ARHGEF9: variants seen among roughly 807,000 people sequenced by gnomAD.
ARHGEF9 encodes rho guanine nucleotide exchange factor 9.
Under a neutral mutation model 41.3 loss-of-function variants are expected in ARHGEF9, and 2 were observed. The observed-to-expected ratio is 0.05, with a 90% CI of 0.02 to 0.15. ARHGEF9 has a LOEUF of 0.15. Ranked by LOEUF, ARHGEF9 falls within the 10% of genes least tolerant of loss-of-function variation. The pLI is 1.00. For missense variants in ARHGEF9, 225 were observed against 424.7 expected, an observed-to-expected ratio of 0.53 and a Z score of 4.13; for synonymous variants, 160 against 154.4, an observed-to-expected ratio of 1.04 and a Z score of -0.27.
intron 3 of ARHGEF9, among the ~76,000 whole-genome samples, chrX:63,701,056 T>C (rs2052128544): frequency 8.9e-6 from 1 of 112,006 alleles, no homozygotes. Flanking sequence ...TGCCCATCTA[T>C]TTCACTTTGT....
At chrX:63,683,320 C>A (rs782074082) in intron 4 of ARHGEF9, among the ~76,000 whole-genome samples, 1 of 110,829 alleles carries the variant, frequency 9.0e-6, no homozygotes, top group Non-Finnish European at 1.9e-5. Context: ...CACAGAAAAC[C>A]AAAACACCCT....
Position 63,704,463 on chromosome X carries a change from G to GA in ARHGEF9, c.402+1794dup, listed in dbSNP as rs782447678. Among the ~76,000 whole-genome samples, 13 of 111,529 alleles carry GA rather than the reference G, an allele frequency of 1.2e-4. No individual in the cohort carries two copies. The East Asian group carries it at 3.1e-3, about 27-fold the overall frequency. On this transcript the variant is annotated intron_variant, in intron 3 of 9. Coordinates refer to ENST00000671741, the MANE Select transcript of ARHGEF9 (RefSeq NM_001353921.2). The stretch of plus-strand genomic sequence containing the variant: ...AACAGAATTCCACTAAAAGTTTGCC[G>GA]AATGAATGAAATGTCAGTGGTTTGA...
chrX:63,767,367 T>G (rs2056129086), intron 1 of ARHGEF9: 1 of 555,953 alleles, frequency 1.8e-6, no homozygotes, highest in African/African-American at 2.3e-5. Flanking sequence ...AAGATAAAAC[T>G]TGAAGAAGTT....
At chrX:63,755,466 A>C (rs2055900564) in intron 1 of ARHGEF9, 1 of 264,179 alleles carries the variant, frequency 3.8e-6, no homozygotes, top group South Asian at 2.7e-4. Context: ...ATAGGATGCA[A>C]GGGGAGGAGA....
chrX:63,765,414 G>A (rs1304744935), intron 1 of ARHGEF9, among the ~76,000 whole-genome samples: 4 of 110,173 alleles, frequency 3.6e-5, no homozygotes, highest in East Asian at 2.9e-4. Flanking sequence ...AAAAACCCTC[G>A]CTTAAGCAGG....
intron 1 of ARHGEF9, among the ~76,000 whole-genome samples, chrX:63,746,593 C>A (rs2055292350): frequency 1.8e-5 from 2 of 112,006 alleles, no homozygotes; most frequent in African/African-American, 3.2e-5. Flanking sequence ...TCTTTATGAG[C>A]CTCACTTTCT....
In ARHGEF9 at chrX:63,635,695, C is replaced by A; in HGVS notation, c.*2333G>T. The stretch of plus-strand genomic sequence containing the variant: ...CTGATCCTGGAGCCCTGGGCAGAAG[C>A]CCCAAGGAGGGAGGAAATGAGAGGG... On this transcript the variant is annotated 3_prime_UTR_variant, in exon 10 of 10. Transcript: ENST00000671741. 2 of 252,844 alleles carry A rather than the reference C, an allele frequency of 7.9e-6. No individual in the cohort carries two copies. The highest frequency in any genetic ancestry group is 1.4e-5 in the Non-Finnish European group (2 of 146,538). The allele number at this position is 252,844 out of a possible 1,213,427, so 20.8% of individuals were successfully genotyped here. A position where few individuals can be genotyped will look rare whatever the true frequency, so the allele number is the denominator to read the frequency against.
chrX:63,726,127 G>C (rs1347047610), intron 1 of ARHGEF9, among the ~76,000 whole-genome samples: 1 of 111,987 alleles, frequency 8.9e-6, no homozygotes, highest in Non-Finnish European at 1.9e-5. Context: ...ATCTGTCATG[G>C]CTCAGGATTC....
In ARHGEF9 at chrX:63,655,597, A is replaced by T. The variant is rs1057521807; in HGVS notation, c.1218T>A (p.Thr406=). 1 of 1,209,489 alleles carries T rather than the reference A, an allele frequency of 8.3e-7. No individual in the cohort carries two copies. The highest frequency in any genetic ancestry group is 1.8e-5 in the African/African-American group (1 of 57,075). The part of the protein sequence containing the change: ...KNAFKLHNKE[T]EEIHLFFAKK... ...TGGCAAAGAACAGATGTATCTCCTCAGTCTCCTTGTTGTGAAGCTTAAAGG... is the reference window on the plus strand; with the variant it reads ...TGGCAAAGAACAGATGTATCTCCTCTGTCTCCTTGTTGTGAAGCTTAAAGG... The change falls in exon 8 of 10, where the codon ACT becomes ACA. Residue 406 remains threonine, a synonymous_variant. Transcript: ENST00000671741.
At chrX:63,647,603 C>T (rs1602207890) in intron 8 of ARHGEF9, among the ~76,000 whole-genome samples, 1 of 111,367 alleles carries the variant, frequency 9.0e-6, no homozygotes, top group Non-Finnish European at 1.9e-5. Flanking sequence ...GGTGGATAAG[C>T]TTTTTGATGT....
intron 9 of ARHGEF9, 74 bp from the exon 10 acceptor site, chrX:63,638,283 C>A: frequency 1.1e-6 from 1 of 948,866 alleles, no homozygotes; most frequent in South Asian, 2.1e-5. Flanking sequence ...ACCCAGTGAC[C>A]ACTCTGGGCA....
chrX:63,711,255 C>G (rs1248674491), intron 2 of ARHGEF9, among the ~76,000 whole-genome samples: 1 of 111,645 alleles, frequency 9.0e-6, no homozygotes, highest in African/African-American at 3.2e-5. Context: ...AGATTCAACG[C>G]AATACCTATC....
intron 1 of ARHGEF9, chrX:63,766,753 C>G: frequency 4.9e-6 from 1 of 203,427 alleles, no homozygotes; most frequent in South Asian, 8.1e-5. Flanking sequence ...CACTAAAGAA[C>G]TGTGCCCCTC....
chrX:63,705,005 A>G (rs2052433822), intron 3 of ARHGEF9, among the ~76,000 whole-genome samples: 1 of 112,694 alleles, frequency 8.9e-6, no homozygotes. Flanking sequence ...CTGTCATTAC[A>G]GATATATGGT....
chrX:63,728,709 G>A (rs1285292719), intron 1 of ARHGEF9, among the ~76,000 whole-genome samples: 1 of 112,135 alleles, frequency 8.9e-6, no homozygotes, highest in Non-Finnish European at 1.9e-5. Flanking sequence ...AACTCAGATG[G>A]TGGATATACA....
At chrX:63,767,612 C>T (rs782453620) in intron 1 of ARHGEF9, among the ~76,000 whole-genome samples, 5 of 112,044 alleles carry the variant, frequency 4.5e-5, no homozygotes, top group East Asian at 2.8e-4. Flanking sequence ...AGAATTGTGC[C>T]GACCTCATAA....
chrX:63,737,448 A>T (rs1556423821), intron 1 of ARHGEF9, among the ~76,000 whole-genome samples: 1 of 112,365 alleles, frequency 8.9e-6, no homozygotes. Flanking sequence ...GCCCCCCAAA[A>T]AAAATGAAAC....
chrX:63,761,516 A>G (rs2056033661), intron 1 of ARHGEF9, among the ~76,000 whole-genome samples: 1 of 111,648 alleles, frequency 9.0e-6, no homozygotes, highest in Non-Finnish European at 1.9e-5. Context: ...TGTAAAATGT[A>G]AAGGAAGTCT....
At chrX:63,705,924 T>C (rs1386924186) in intron 3 of ARHGEF9, among the ~76,000 whole-genome samples, 2 of 110,855 alleles carry the variant, frequency 1.8e-5, no homozygotes, top group Admixed American at 1.9e-4. Context: ...AGCCCTTACA[T>C]GAGATGGCTG....
Sources: allele counts gnomAD v4.1 joint callset (sites outside exome capture counted in the v4.1 genomes callset), GRCh38; gene constraint gnomAD v4.1.1; transcripts MANE v1.5; gene names NCBI Gene and HGNC (gene_info 2026-07-23, HGNC 2026-07-21).